Variants in SLC8A1 observed in about 807,000 individuals in gnomAD.
The protein encoded by SLC8A1 is sodium/calcium exchanger 1.
A neutral mutation model predicts 68.3 loss-of-function variants in SLC8A1; 18 were observed. The ratio of observed to expected loss-of-function variants is 0.26; its 90% CI spans 0.18 to 0.39. The LOEUF (loss-of-function observed/expected upper bound fraction) is 0.39. Among genes scored for constraint, SLC8A1 ranks in the 10% least tolerant of loss-of-function variants. SLC8A1 has a pLI of 1.00. For synonymous variants in SLC8A1, 475 were observed against 415.5 expected (o/e 1.14, Z -1.74); for missense variants, 985 against 1,156.7 (o/e 0.85, Z 2.15).
intron 2 of SLC8A1, chr2:40,220,392 C>T (rs2058148075): frequency 6.6e-6 from 1 of 152,164 alleles, no homozygotes; most frequent in Non-Finnish European, 1.5e-5. Context: ...ATTAGTGAGT[C>T]ATGTTTAAGC....
chr2:40,457,734 G>A (rs998887467), intron 1 of SLC8A1, among the ~76,000 whole-genome samples: 1 of 152,162 alleles, frequency 6.6e-6, no homozygotes, highest in African/African-American at 2.4e-5. Flanking sequence ...TCACACAAAA[G>A]TCACCTTTGG....
chr2:40,401,224 A>T (rs879452807), intron 2 of SLC8A1, among the ~76,000 whole-genome samples: 1 of 152,180 alleles, frequency 6.6e-6, no homozygotes, highest in Non-Finnish European at 1.5e-5. Flanking sequence ...TATCTTCCAA[A>T]CACCATCTAC....
At chr2:40,277,639 T>G (rs1016910327) in intron 2 of SLC8A1, among the ~76,000 whole-genome samples, 3 of 151,852 alleles carry the variant, frequency 2.0e-5, no homozygotes, top group Admixed American at 1.3e-4. Context: ...TGCAAAGACC[T>G]TAGCCCAGCA....
intron 2 of SLC8A1, among the ~76,000 whole-genome samples, chr2:40,416,998 C>A (rs1694070119): frequency 6.6e-6 from 1 of 152,062 alleles, no homozygotes; most frequent in South Asian, 2.1e-4. Context: ...TGATAATTTA[C>A]CAACCTCTCT....
chr2:40,371,492 G>A, intron 2 of SLC8A1, among the ~76,000 whole-genome samples: 1 of 152,026 alleles, frequency 6.6e-6, no homozygotes, highest in East Asian at 1.9e-4. Flanking sequence ...CCAAGGCTCA[G>A]GGACCTCACT....
At chr2:40,365,489 T>C (rs761006047) in intron 2 of SLC8A1, among the ~76,000 whole-genome samples, 18 of 152,054 alleles carry the variant, frequency 1.2e-4, no homozygotes, top group Non-Finnish European at 1.8e-4. Context: ...TAACAATCTA[T>C]ACCTTCTGTA....
intron 2 of SLC8A1, among the ~76,000 whole-genome samples, chr2:40,272,343 T>C (rs2066149070): frequency 6.6e-6 from 1 of 152,112 alleles, no homozygotes; most frequent in Non-Finnish European, 1.5e-5. Flanking sequence ...TGATGGCCAT[T>C]ATGTGAAGGG....
chr2:40,145,994 CAATA>C (rs2042399500), intron 6 of SLC8A1, among the ~76,000 whole-genome samples: 2 of 152,098 alleles, frequency 1.3e-5, no homozygotes, highest in Non-Finnish European at 2.9e-5. Context: ...TGGAGATGTG[CAATA>C]AACATTTCTC....
intron 2 of SLC8A1, among the ~76,000 whole-genome samples, chr2:40,300,431 G>T (rs1184990218): frequency 1.3e-5 from 2 of 152,000 alleles, no homozygotes; most frequent in African/African-American, 4.8e-5. Context: ...TTAAAATCCA[G>T]AATGTTCCAT....
chr2:40,399,269 C>A (rs1029649124), intron 2 of SLC8A1, among the ~76,000 whole-genome samples: 3 of 152,086 alleles, frequency 2.0e-5, no homozygotes, highest in African/African-American at 7.2e-5. Context: ...AAACCAAATA[C>A]GAGATTCACT....
intron 1 of SLC8A1, among the ~76,000 whole-genome samples, chr2:40,492,689 T>C (rs1705402011): frequency 6.7e-6 from 1 of 148,768 alleles, no homozygotes; most frequent in South Asian, 2.2e-4. Context: ...GCAAAGGACA[T>C]GAACAGACAC....
At chr2:40,232,197 T>C (rs373896607) in intron 2 of SLC8A1, among the ~76,000 whole-genome samples, 6 of 152,156 alleles carry the variant, frequency 3.9e-5, no homozygotes, top group African/African-American at 9.6e-5. Flanking sequence ...CCTGAACATT[T>C]CAAAAAGACA....
chr2:40,100,318 G>A (rs2125022070), exon 8 of SLC8A1: 1 of 152,198 alleles, frequency 6.6e-6, no homozygotes, highest in Admixed American at 6.5e-5. Context: ...ACCATGGACT[G>A]TAGACAAAGG....
chr2:40,153,178 T>C (rs1197715281), intron 6 of SLC8A1, among the ~76,000 whole-genome samples: 1 of 152,236 alleles, frequency 6.6e-6, no homozygotes, highest in Non-Finnish European at 1.5e-5. Context: ...TTTAGAACTC[T>C]AAATTTCAAA....
intron 1 of SLC8A1, among the ~76,000 whole-genome samples, chr2:40,496,211 A>C (rs531588865): frequency 1.1e-3 from 174 of 152,222 alleles, no homozygotes; most frequent in African/African-American, 4.1e-3. Flanking sequence ...TGCTCTAAAT[A>C]AACAGATTAC....
intron 2 of SLC8A1, among the ~76,000 whole-genome samples, chr2:40,203,355 T>C (rs2054775222): frequency 6.6e-6 from 1 of 152,012 alleles, no homozygotes; most frequent in South Asian, 2.1e-4. Flanking sequence ...AACTTTGTTG[T>C]GATATATTTA....
At chr2:40,394,989 C>T (rs1477442921) in intron 2 of SLC8A1, among the ~76,000 whole-genome samples, 2 of 152,130 alleles carry the variant, frequency 1.3e-5, no homozygotes, top group East Asian at 3.9e-4. Context: ...CAAAGTCCCA[C>T]AAAAGATGTG....
intron 7 of SLC8A1, among the ~76,000 whole-genome samples, chr2:40,121,517 T>C (rs559228638): frequency 6.6e-6 from 1 of 152,298 alleles, no homozygotes; most frequent in East Asian, 1.9e-4. Flanking sequence ...ACTCACAATA[T>C]GGTTATTCTC....
At chr2:40,374,976 T>G (rs1679327860) in intron 2 of SLC8A1, among the ~76,000 whole-genome samples, 1 of 152,116 alleles carries the variant, frequency 6.6e-6, no homozygotes. Flanking sequence ...CAGTATAAAC[T>G]AGAAAGGTAA....
Sources: allele counts gnomAD v4.1 joint callset (sites outside exome capture counted in the v4.1 genomes callset), GRCh38; gene constraint gnomAD v4.1.1; transcripts MANE v1.5; gene names NCBI Gene and HGNC (gene_info 2026-07-23, HGNC 2026-07-21).